Variants in SENP6 observed in about 807,000 individuals in gnomAD.
SENP6 encodes SUMO specific peptidase 6, also known as sentrin-specific protease 6.
SENP6 carries 41 observed loss-of-function variants against 134.5 expected under a neutral mutation model. That is an observed-to-expected ratio of 0.30 (90% CI 0.24 to 0.40). The LOEUF (loss-of-function observed/expected upper bound fraction) is 0.40. SENP6 is among the 10% of genes least tolerant of loss of function. The probability of loss-of-function intolerance (pLI) is 1.00; values close to 1 mark genes in which losing one functional copy is unlikely to be tolerated. For synonymous variants in SENP6, 395 were observed against 429.8 expected (o/e 0.92, Z 1.00); for missense variants, 1,248 against 1,312.5 (o/e 0.95, Z 0.76).
At chr6:75,666,161 TATATATATAAAACGTATATATG>T (rs781502666) in intron 9 of SENP6, among the ~76,000 whole-genome samples, 34,408 of 141,412 alleles carry the variant, frequency 0.24, 5,529 homozygotes, top group Middle Eastern at 0.37. Flanking sequence ...ACATATATGA[TATATATATAAAACGTATATATG>T]ATATATATAA....
intron 8 of SENP6, 38 bp from the exon 9 acceptor site, chr6:75,663,183 A>C (rs1293733106): frequency 6.4e-7 from 1 of 1,574,550 alleles, no homozygotes; most frequent in Non-Finnish European, 8.6e-7. Context: ...AAAGAAAATC[A>C]GACCAAATGC....
At chr6:75,668,104 G>A (rs529609177) in intron 10 of SENP6, among the ~76,000 whole-genome samples, 2 of 152,066 alleles carry the variant, frequency 1.3e-5, no homozygotes, top group East Asian at 3.9e-4. Flanking sequence ...AACAACAAAA[G>A]CAATCATAAG....
chr6:75,618,598 GT>G (rs1406748199), intron 1 of SENP6, among the ~76,000 whole-genome samples: 5 of 152,172 alleles, frequency 3.3e-5, no homozygotes, highest in African/African-American at 1.2e-4. Flanking sequence ...AGGTGTGTTT[GT>G]TGCTACTGGG....
rs558476915 is a variant in SENP6, at chr6:75,606,937, TAGAG to T, written c.52+4366_52+4369del. ...AGGTAGAGAGGCAGTGCTTTCTAGGTAGAGAGAGTAAAATAGGGGAGCATGGCAT... is the reference window on the plus strand; with the variant it reads ...AGGTAGAGAGGCAGTGCTTTCTAGGTAGAGTAAAATAGGGGAGCATGGCAT... On this transcript the variant is annotated intron_variant, in intron 1 of 23. Transcript: ENST00000447266. 1.7e-4 allele frequency among the ~76,000 whole-genome samples: 26 copies of T among 152,082 alleles called. No individual in the cohort carries two copies. The East Asian group carries it at 4.6e-3, about 27-fold the overall frequency.
chr6:75,689,431 A>C (rs77813866), intron 16 of SENP6, among the ~76,000 whole-genome samples: 7 of 152,278 alleles, frequency 4.6e-5, no homozygotes, highest in East Asian at 3.9e-4. Flanking sequence ...ACAAAAAAAA[A>C]CAGAAAATAA....
At chr6:75,711,071 T>C (rs1263632249) in intron 20 of SENP6, among the ~76,000 whole-genome samples, 1 of 152,186 alleles carries the variant, frequency 6.6e-6, no homozygotes, top group Non-Finnish European at 1.5e-5. Flanking sequence ...GTCTTAAAGA[T>C]TTATTCTAGA....
intron 3 of SENP6, among the ~76,000 whole-genome samples, chr6:75,632,678 A>G (rs987412895): frequency 1.3e-5 from 2 of 152,008 alleles, no homozygotes; most frequent in Non-Finnish European, 2.9e-5. Flanking sequence ...CTGTGCTTGC[A>G]TTACCTGGAA....
chr6:75,651,007 A>G (rs965810211), intron 7 of SENP6, among the ~76,000 whole-genome samples: 1 of 152,192 alleles, frequency 6.6e-6, no homozygotes, highest in African/African-American at 2.4e-5. Context: ...ACATATCAGT[A>G]CTTACCAGCA....
chr6:75,643,959 C>A (rs1176156639), intron 6 of SENP6: 1 of 152,062 alleles, frequency 6.6e-6, no homozygotes, highest in Non-Finnish European at 1.5e-5. Context: ...TGTCCAGATC[C>A]TGGTTTCTAA....
chr6:75,662,310 T>G (rs1159280489), intron 8 of SENP6, among the ~76,000 whole-genome samples: 1 of 152,068 alleles, frequency 6.6e-6, no homozygotes, highest in African/African-American at 2.4e-5. Flanking sequence ...TCAATTTTTT[T>G]TGTTTGGAGA....
chr6:75,670,022 C>T (rs1227685055), intron 10 of SENP6, among the ~76,000 whole-genome samples: 2 of 152,096 alleles, frequency 1.3e-5, no homozygotes, highest in Admixed American at 6.6e-5. Flanking sequence ...CAACGTCCAC[C>T]TCCCAGGTTT....
chr6:75,642,128 C>G (rs1770074581), intron 6 of SENP6, among the ~76,000 whole-genome samples: 1 of 152,248 alleles, frequency 6.6e-6, no homozygotes, highest in Non-Finnish European at 1.5e-5. Context: ...TGATTACATG[C>G]TGCCTTTTAG....
chr6:75,602,716 G>C (rs1419912862), intron 1 of SENP6, 140 bp downstream of exon 1: 1 of 911,656 alleles, frequency 1.1e-6, no homozygotes, highest in African/African-American at 1.7e-5. Flanking sequence ...TGACGGGGAG[G>C]GAGTGTGCTG....
chr6:75,662,577 G>A (rs1771869868), intron 8 of SENP6, among the ~76,000 whole-genome samples: 1 of 152,058 alleles, frequency 6.6e-6, no homozygotes, highest in Non-Finnish European at 1.5e-5. Flanking sequence ...TTAATCTCTA[G>A]TTTTTATCAT....
Position 75,602,163 on chromosome 6 carries a change from A to G in SENP6, c.-362A>G. 1 of 220,638 alleles carries G rather than the reference A, an allele frequency of 4.5e-6. No individual in the cohort carries two copies. Among genetic ancestry groups the G allele is most frequent in the Non-Finnish European group, 8.8e-6 (1 of 113,152 alleles). The allele number at this position is 220,638 out of a possible 1,614,324, so 13.7% of individuals were successfully genotyped here. On this transcript the variant is annotated 5_prime_UTR_variant, in exon 1 of 24. Transcript: ENST00000447266. ...CTCGCTTTCATTCTCCTTTCTTGGG[A>G]ACCCACGGCTGGGGGAAGTTTCTCA...
chr6:75,629,360 G>A (rs567249367), intron 3 of SENP6, among the ~76,000 whole-genome samples: 7 of 151,858 alleles, frequency 4.6e-5, no homozygotes, highest in Non-Finnish European at 8.8e-5. Flanking sequence ...GTGCAGTGGC[G>A]CAATCTTGGC....
chr6:75,636,522 A>C (rs1286984593), intron 5 of SENP6, among the ~76,000 whole-genome samples: 2 of 152,196 alleles, frequency 1.3e-5, no homozygotes, highest in Non-Finnish European at 2.9e-5. Flanking sequence ...TAAAATCTCT[A>C]CCAGTAAAGC....
rs1773028664 is a variant in SENP6 at position 75,675,628 on chromosome 6, A to T, written c.1426+160A>T. On this transcript the variant is annotated intron_variant, in intron 12 of 23. Transcript: ENST00000447266. ...CATATATCTTGGTGTAATTTCATTC[A>T]GAAATATCACAGAACCTAACTTTTT... 3 of 691,494 alleles carry T rather than the reference A, an allele frequency of 4.3e-6. No individual in the cohort carries two copies. The African/African-American group carries it at 5.5e-5, about 13-fold the overall frequency. The allele number at this position is 691,494 out of a possible 1,614,324, so 42.8% of individuals were successfully genotyped here.
Position 75,602,235 on chromosome 6 carries a change from C to G in SENP6, c.-290C>G. 2.9e-6 allele frequency: 1 copy of G among 347,132 alleles called. No homozygotes were observed. Among genetic ancestry groups the G allele is most frequent in the South Asian group, 7.7e-5 (1 of 12,954 alleles). The allele number at this position is 347,132 out of a possible 1,614,324, so 21.5% of individuals were successfully genotyped here. A position where few individuals can be genotyped will look rare whatever the true frequency, so the allele number is the denominator to read the frequency against. ...ATGGGGAGTCGTGGGCCGAGAGGAA[C>G]CGGGCCCGGGAAGCGCCGTCGTCGT... On this transcript the variant is annotated 5_prime_UTR_variant, in exon 1 of 24. Transcript: ENST00000447266.
Sources: gnomAD v4.1 joint callset for allele counts (sites outside exome capture counted in the v4.1 genomes callset) on GRCh38, gnomAD v4.1.1 for gene constraint, MANE v1.5 for transcripts, NCBI Gene and HGNC (gene_info 2026-07-23, HGNC 2026-07-21) for gene names.